Variants in JADE3 observed in about 807,000 individuals in gnomAD.
JADE3 encodes the protein protein Jade-3.
Under a neutral mutation model 50.1 loss-of-function variants are expected in JADE3, and 2 were observed. The ratio of observed to expected loss-of-function variants is 0.04; its 90% CI spans 0.02 to 0.13. The LOEUF is 0.13. Ranked by LOEUF, JADE3 falls within the 10% of genes least tolerant of loss-of-function variation. JADE3 has a pLI of 1.00. For missense variants in JADE3, 475 were observed against 634.4 expected (o/e 0.75, Z 2.70); for synonymous variants, 218 against 232.9 (o/e 0.94, Z 0.58).
chrX:47,030,367 T>C (rs1319700602), intron 6 of JADE3, among the ~76,000 whole-genome samples: 1 of 111,478 alleles, frequency 9.0e-6, no homozygotes, highest in Non-Finnish European at 1.9e-5. Context: ...TAGAAAGAGA[T>C]GAGATGGCAA....
chrX:46,971,439 A>G (rs998524143), intron 1 of JADE3, among the ~76,000 whole-genome samples: 57 of 109,898 alleles, frequency 5.2e-4, no homozygotes, highest in Non-Finnish European at 6.1e-4. Context: ...ATATGTACAT[A>G]AATTAAGAAA....
intron 1 of JADE3, among the ~76,000 whole-genome samples, chrX:46,973,219 A>G (rs2147125693): frequency 8.9e-6 from 1 of 112,517 alleles, no homozygotes; most frequent in East Asian, 2.8e-4. Context: ...TGACAAAGAA[A>G]TACTTGTCTG....
chrX:47,001,792 C>T (rs1022124916), intron 4 of JADE3, among the ~76,000 whole-genome samples: 51 of 111,921 alleles, frequency 4.6e-4, no homozygotes, highest in African/African-American at 1.5e-3. Context: ...TATATAAATT[C>T]AGGCCTATTT....
In JADE3 at chrX:47,058,689, G is replaced by A; in HGVS notation, c.2084G>A (p.Ser695Asn). Residue 695 changes from serine to asparagine, a missense_variant, in exon 11 of 11, where the codon AGC (serine) becomes AAC (asparagine). Physicochemically the swap from Ser to Asn is conservative, Grantham distance 46. Coordinates refer to ENST00000614628, the MANE Select transcript of JADE3 (RefSeq NM_014735.5). ...TTCTGTGACCAGGAGCCTGTGTTCA[G>A]CCCCCACTTGGTCAGTCAGGGCAGC... is the stretch of plus-strand genomic sequence containing the variant. The part of the protein sequence containing the change: ...EMFCDQEPVF[S>N]PHLVSQGSFR... The A allele has an allele frequency of 5.8e-6, 7 of 1,211,383 alleles. No homozygotes were observed. Among genetic ancestry groups the A allele is most frequent in the Non-Finnish European group, 7.8e-6 (7 of 895,385 alleles).
chrX:46,949,524 G>A (rs1247428192), intron 1 of JADE3, among the ~76,000 whole-genome samples: 5 of 111,580 alleles, frequency 4.5e-5, no homozygotes, highest in African/African-American at 9.8e-5. Context: ...TTGATGTTTC[G>A]AATTTTAGCC....
intron 4 of JADE3, among the ~76,000 whole-genome samples, chrX:47,000,801 C>T (rs1795889664): frequency 9.0e-6 from 1 of 111,714 alleles, no homozygotes; most frequent in East Asian, 2.8e-4. Context: ...ATTTGTCCGC[C>T]TTGGCCTCCC....
At chrX:46,987,159 G>A (rs1263068275) in intron 3 of JADE3, among the ~76,000 whole-genome samples, 1 of 112,275 alleles carries the variant, frequency 8.9e-6, no homozygotes, top group Non-Finnish European at 1.9e-5. Context: ...AAGGACTGAG[G>A]TTTCTGTTTT....
chrX:47,010,763 G>A (rs1250643217), intron 4 of JADE3, among the ~76,000 whole-genome samples: 1 of 110,493 alleles, frequency 9.1e-6, no homozygotes, highest in Non-Finnish European at 1.9e-5. Context: ...CCACAGACTG[G>A]GTGGCTTAAA....
At chrX:46,964,295 G>T (rs950871794) in intron 1 of JADE3, among the ~76,000 whole-genome samples, 5 of 111,816 alleles carry the variant, frequency 4.5e-5, no homozygotes, top group Non-Finnish European at 9.4e-5. Flanking sequence ...CTTAAATCTG[G>T]GTGAGCTTGT....
chrX:46,999,436 T>TATATATACATATATAAC (rs1928222463), intron 4 of JADE3, among the ~76,000 whole-genome samples: 36 of 89,952 alleles, frequency 4.0e-4, no homozygotes, highest in African/African-American at 1.4e-3. Flanking sequence ...ATATATAACA[T>TATATATACATATATAAC]ATATATATAT....
chrX:47,050,144 G>T (rs1370542049), intron 8 of JADE3, among the ~76,000 whole-genome samples: 1 of 108,447 alleles, frequency 9.2e-6, no homozygotes, highest in African/African-American at 3.4e-5. Context: ...ATGTTACCCA[G>T]GCTGGTCTCA....
At chrX:47,022,125 G>A (rs1448285200) in intron 4 of JADE3, among the ~76,000 whole-genome samples, 1 of 112,431 alleles carries the variant, frequency 8.9e-6, no homozygotes, top group East Asian at 2.8e-4. Context: ...GAGATGAATA[G>A]TTAGCAAAAC....
chrX:47,003,119 T>A (rs947726144), intron 4 of JADE3, among the ~76,000 whole-genome samples: 14 of 111,823 alleles, frequency 1.3e-4, no homozygotes, highest in Admixed American at 2.9e-4. Context: ...TGATTTTTTT[T>A]AATATTGAAC....
chrX:46,945,011 ATT>A (rs60937622), intron 1 of JADE3, among the ~76,000 whole-genome samples: 1 of 97,161 alleles, frequency 1.0e-5, no homozygotes. Flanking sequence ...ACCTGGCTGA[ATT>A]TTTTTTTTTT....
intron 1 of JADE3, among the ~76,000 whole-genome samples, chrX:46,943,520 T>C (rs1556342677): frequency 2.7e-5 from 3 of 112,693 alleles, no homozygotes; most frequent in Non-Finnish European, 5.6e-5. Context: ...ATCACATTTA[T>C]TGAATTGCAT....
chrX:46,935,309 A>G (rs935258588), intron 1 of JADE3, among the ~76,000 whole-genome samples: 2 of 111,831 alleles, frequency 1.8e-5, no homozygotes, highest in Non-Finnish European at 3.8e-5. Context: ...TTTAAATTCA[A>G]TTGTTATTAT....
chrX:46,934,661 C>G (rs1222159276), intron 1 of JADE3, among the ~76,000 whole-genome samples: 2 of 108,708 alleles, frequency 1.8e-5, no homozygotes, highest in African/African-American at 6.7e-5. Context: ...TCTCCAACTC[C>G]TGATCTCAAG....
chrX:47,004,040 C>T (rs1173232178), intron 4 of JADE3, among the ~76,000 whole-genome samples: 2 of 108,442 alleles, frequency 1.8e-5, no homozygotes, highest in Non-Finnish European at 1.9e-5. Flanking sequence ...ATCCTCCTGC[C>T]TCAGCCTCCT....
intron 7 of JADE3, among the ~76,000 whole-genome samples, chrX:47,036,096 A>T (rs1929128069): frequency 9.0e-6 from 1 of 111,545 alleles, no homozygotes; most frequent in Non-Finnish European, 1.9e-5. Context: ...GTGAGCCCTG[A>T]TCCTGCCACT....
Sources: allele counts gnomAD v4.1 joint callset (sites outside exome capture counted in the v4.1 genomes callset), GRCh38; gene constraint gnomAD v4.1.1; transcripts MANE v1.5; gene names NCBI Gene and HGNC (gene_info 2026-07-23, HGNC 2026-07-21).